The following CLTCL1 variants were observed in gnomAD, a reference collection of about 807,000 sequenced individuals.
CLTCL1 encodes clathrin heavy chain like 1, also known as clathrin heavy chain 2.
In CLTCL1, 159 loss-of-function variants were observed where a neutral mutation model predicts 190.0. That is an observed-to-expected ratio of 0.84 (90% CI 0.74 to 0.95). The LOEUF (loss-of-function observed/expected upper bound fraction) is 0.95. CLTCL1 is among the 40% of genes least tolerant of loss of function. The probability of loss-of-function intolerance (pLI) is 0.00; values close to 1 mark genes in which losing one functional copy is unlikely to be tolerated. For synonymous variants in CLTCL1, 752 were observed against 769.6 expected (o/e 0.98, Z 0.38); for missense variants, 1,878 against 2,033.4 (o/e 0.92, Z 1.47).
chr22:19,196,726 C>A, intron 24 of CLTCL1, 70 bp from the exon 25 acceptor site: 1 of 1,527,614 alleles, frequency 6.5e-7, no homozygotes, highest in South Asian at 1.2e-5. Context: ...CCAGCCCATG[C>A]CCACGCCGCA....
At position 19,191,402 on chromosome 22, in the gene CLTCL1, G is replaced by A. The variant is rs782368653; in HGVS notation, c.4225C>T (p.Gln1409Ter). 16 of 1,613,922 alleles carry A rather than the reference G, an allele frequency of 9.9e-6. No homozygotes were observed. The South Asian group carries it at 1.5e-4, about 16-fold the overall frequency. Residue 1409 changes from glutamine (Q) to a stop codon, truncating the protein, a stop_gained, in exon 27 of 33, where the codon CAG (glutamine) becomes TAG (stop). Transcript: ENST00000427926. LOFTEE classifies it high-confidence loss of function. ...AGTGGTTTGTAATCCAAATAGAACT[G>A]CAGGGCTCTGTAACAGAGCTCGACG... The part of the protein sequence containing the change: ...ANVELCYRAL[Q>*]FYLDYKPLLI...
At chr22:19,258,658 G>C in intron 2 of CLTCL1, 1 of 641,390 alleles carries the variant, frequency 1.6e-6, no homozygotes, top group East Asian at 3.1e-5. Flanking sequence ...ACCTACCACC[G>C]CCTGCTGGAA....
At chr22:19,221,271 T>A in intron 17 of CLTCL1, 106 bp downstream of exon 17, 1 of 799,222 alleles carries the variant, frequency 1.3e-6, no homozygotes, top group Non-Finnish European at 2.0e-6. Flanking sequence ...TGACCTGCCA[T>A]CTCCAGGTGC....
chr22:19,227,062 C>A (rs2145820568), intron 11 of CLTCL1, among the ~76,000 whole-genome samples: 1 of 152,028 alleles, frequency 6.6e-6, no homozygotes, highest in Non-Finnish European at 1.5e-5. Context: ...TATAGGGTTT[C>A]TATGGCAAGA....
chr22:19,254,112 C>T lies in CLTCL1; in HGVS notation c.366G>A (p.Val122=), dbSNP rs782439882. ...KWVSVNTVAL[V]TETAVYHWSM... ...TCCAGTGGTAGACCGCGGTCTCGGT[C>T]ACCAAGGCAACAGTGTTCACAGAAA... The change falls in exon 3 of 33, where the codon GTG becomes GTA. Residue 122 remains valine (V), a synonymous_variant. Coordinates refer to ENST00000427926, the MANE Select transcript of CLTCL1 (RefSeq NM_007098.4). 1.2e-5 allele frequency: 20 copies of T among 1,613,362 alleles called. No individual in the cohort carries two copies. The highest frequency in any genetic ancestry group is 2.5e-6 in the Non-Finnish European group (3 of 1,179,634).
chr22:19,282,334 A>C (rs1408955062), intron 1 of CLTCL1, among the ~76,000 whole-genome samples: 1 of 151,222 alleles, frequency 6.6e-6, no homozygotes, highest in Non-Finnish European at 1.5e-5. Flanking sequence ...GTCTCAAAAA[A>C]AAAAAAAGAA....
chr22:19,249,083 G>A (rs1202274278), intron 3 of CLTCL1, among the ~76,000 whole-genome samples: 2 of 152,188 alleles, frequency 1.3e-5, no homozygotes, highest in East Asian at 1.9e-4. Context: ...GGAGGAATAA[G>A]TTCAAATGAT....
intron 26 of CLTCL1, among the ~76,000 whole-genome samples, chr22:19,192,254 C>G (rs1302359101): frequency 1.3e-5 from 2 of 151,746 alleles, no homozygotes; most frequent in Non-Finnish European, 2.9e-5. Flanking sequence ...TTTAGTAGAG[C>G]CGGGGTTTCA....
At position 19,188,024 on chromosome 22, in the gene CLTCL1, T is replaced by C. The variant is rs372421263; in HGVS notation, c.4391A>G (p.Asn1464Ser). ...SVQSHNNKSVNEALNHLLTEE... is the reference protein window; with the variant it reads ...SVQSHNNKSVSEALNHLLTEE... ...TGTCAGCAGGTGGTTGAGTGCCTCA[T>C]TCACACTCTTGTTGTTGTGGCTCTG... The change falls in exon 28 of 33, where the codon AAT becomes AGT. Residue 1464 changes from asparagine to serine, a missense_variant. Coordinates refer to ENST00000427926, the MANE Select transcript of CLTCL1 (RefSeq NM_007098.4). 1 of 1,614,050 alleles carries C rather than the reference T, an allele frequency of 6.2e-7. No individual in the cohort carries two copies. Among genetic ancestry groups the C allele is most frequent in the Non-Finnish European group, 8.5e-7 (1 of 1,179,900 alleles).
rs781968591 is a variant in CLTCL1 at position 19,208,320 on chromosome 22, A to G, written c.3443-9T>C. 1.9e-6 allele frequency: 3 copies of G among 1,612,686 alleles called. No individual in the cohort carries two copies. Among genetic ancestry groups the G allele is most frequent in the East Asian group, 4.5e-5 (2 of 44,890 alleles). On this transcript the variant is annotated splice_polypyrimidine_tract_variant and intron_variant, in intron 21 of 32. Coordinates refer to ENST00000427926, the MANE Select transcript of CLTCL1 (RefSeq NM_007098.4). ...TAGATCCTCCCAGTTGTCTAAAGAC[A>G]GAAAACAAAGATAGGTTAACCCAGA...
chr22:19,190,823 G>C (rs1405355176), intron 27 of CLTCL1, among the ~76,000 whole-genome samples: 6 of 151,286 alleles, frequency 4.0e-5, no homozygotes, highest in African/African-American at 1.5e-4. Context: ...TGTCACCCAG[G>C]CTGGAGTGCA....
chr22:19,221,691 G>T, intron 16 of CLTCL1, 80 bp from the exon 17 acceptor site: 1 of 1,272,530 alleles, frequency 7.9e-7, no homozygotes, highest in Non-Finnish European at 1.1e-6. Context: ...TCTGACAGAT[G>T]TTTCCTGAAA....
intron 2 of CLTCL1, among the ~76,000 whole-genome samples, chr22:19,270,432 A>T (rs1054309968): frequency 6.6e-6 from 1 of 152,028 alleles, no homozygotes; most frequent in African/African-American, 2.4e-5. Flanking sequence ...AATCACCGAG[A>T]AGGAGTGAAT....
intron 7 of CLTCL1, among the ~76,000 whole-genome samples, chr22:19,234,031 A>C (rs546152400): frequency 4.9e-4 from 74 of 152,360 alleles, no homozygotes; most frequent in African/African-American, 1.8e-3. Flanking sequence ...GAAAGTCTTT[A>C]TCTACTCAGG....
At chr22:19,193,674 G>A (rs2018897) in intron 26 of CLTCL1, among the ~76,000 whole-genome samples, 8,868 of 152,280 alleles carry the variant, frequency 0.058, 375 homozygotes, top group East Asian at 0.22. Context: ...ATTCCTTCCG[G>A]TGGGTTCTTG....
Position 19,223,904 on chromosome 22 carries a change from T to C in CLTCL1, c.2279A>G (p.Lys760Arg), listed in dbSNP as rs782787252. ...ACTGGAACACACCTTCAGGAAGTTCTTCACACGCTCTGGGTTGTAGCAGCT... is the reference window on the plus strand; with the variant it reads ...ACTGGAACACACCTTCAGGAAGTTCCTCACACGCTCTGGGTTGTAGCAGCT... ...ESSCYNPERV[K>R]NFLKEAKLTD... The change falls in exon 14 of 33, where the codon AAG becomes AGG. Residue 760 changes from lysine (K) to arginine (R), a missense_variant. Physicochemically the swap from Lys to Arg is conservative, Grantham distance 26. Coordinates refer to ENST00000427926, the MANE Select transcript of CLTCL1 (RefSeq NM_007098.4). The C allele has an allele frequency of 5.0e-6, 8 of 1,613,616 alleles. No homozygotes were observed. The East Asian group carries it at 1.6e-4, about 31-fold the overall frequency.
Position 19,239,379 on chromosome 22 carries a change from T to C in CLTCL1, c.691A>G (p.Ile231Val). The change falls in exon 5 of 33, where the codon ATT (isoleucine) becomes GTT (valine). Residue 231 changes from isoleucine (I) to valine (V), a missense_variant. Physicochemically the swap from Ile to Val is conservative, Grantham distance 29. Transcript: ENST00000427926. The part of the protein sequence containing the change: ...RNPTGGKLHI[I>V]EVGQPAAGNQ... ...CCCGCTGCAGGCTGTCCAACTTCAA[T>C]GATGTGCAACTAGAAGAGAGATTTT... 1 of 1,613,638 alleles carries C rather than the reference T, an allele frequency of 6.2e-7. No individual in the cohort carries two copies. The highest frequency in any genetic ancestry group is 8.5e-7 in the Non-Finnish European group (1 of 1,179,522).
At chr22:19,239,413 C>A (rs371135717) in intron 4 of CLTCL1, 25 bp from the exon 5 acceptor site, 2 of 1,575,630 alleles carry the variant, frequency 1.3e-6, no homozygotes, top group African/African-American at 2.7e-5. Flanking sequence ...TTAGGTCAAT[C>A]AAGGGGACCG....
chr22:19,217,349 G>C (rs900111964), intron 18 of CLTCL1, among the ~76,000 whole-genome samples: 2 of 152,118 alleles, frequency 1.3e-5, no homozygotes, highest in Non-Finnish European at 2.9e-5. Context: ...GGCCGCGGTG[G>C]CTCATGCCTG....
Sources: allele counts gnomAD v4.1 joint callset (sites outside exome capture counted in the v4.1 genomes callset), GRCh38; gene constraint gnomAD v4.1.1; transcripts MANE v1.5; gene names NCBI Gene and HGNC (gene_info 2026-07-23, HGNC 2026-07-21).